The following CD247 variants were observed in gnomAD, a reference collection of about 807,000 sequenced individuals.
The protein encoded by CD247 is T-cell surface glycoprotein CD3 zeta chain.
CD247 carries 13 observed loss-of-function variants against 30.0 expected under a neutral mutation model. The observed-to-expected ratio is 0.43, with a 90% CI of 0.28 to 0.69. The LOEUF (loss-of-function observed/expected upper bound fraction) is 0.69, where lower values mean the gene tolerates loss of function less well. CD247 is among the 30% of genes least tolerant of loss of function. CD247 has a pLI of 0.16. For synonymous variants in CD247, 72 were observed against 80.0 expected (o/e 0.90, Z 0.53); for missense variants, 193 against 212.6 (o/e 0.91, Z 0.57).
At chr1:167,445,192 C>T (rs946429323) in intron 1 of CD247, among the ~76,000 whole-genome samples, 1 of 152,132 alleles carries the variant, frequency 6.6e-6, no homozygotes, top group Non-Finnish European at 1.5e-5. Context: ...TCCCAAAGTG[C>T]TCGGATTACA....
chr1:167,431,002 ATCT>A lies in CD247; in HGVS notation c.*676_*678del. The A allele has an allele frequency of 2.5e-6, 1 of 403,020 alleles. No individual in the cohort carries two copies. 25.0% of individuals were successfully genotyped at this position (403,020 alleles called of 1,614,324 possible). A position where few individuals can be genotyped will look rare whatever the true frequency, so the allele number is the denominator to read the frequency against. On this transcript the variant is annotated 3_prime_UTR_variant, in exon 8 of 8. Coordinates refer to ENST00000362089, the MANE Select transcript of CD247 (RefSeq NM_198053.3). Reference sequence around the variant, plus strand: ...ACAGCTCATCAAGGTCAGTCTGTTCATCTTCTGGCCCCTGTAGCACATGGTACA... The same window carrying A: ...ACAGCTCATCAAGGTCAGTCTGTTCATCTGGCCCCTGTAGCACATGGTACA...
At chr1:167,477,679 A>G (rs1276357817) in intron 1 of CD247, among the ~76,000 whole-genome samples, 1 of 152,042 alleles carries the variant, frequency 6.6e-6, no homozygotes, top group Non-Finnish European at 1.5e-5. Context: ...ACAGGTGTGC[A>G]CCACCACTTT....
At chr1:167,444,842 C>T (rs1651995616) in intron 1 of CD247, among the ~76,000 whole-genome samples, 1 of 152,174 alleles carries the variant, frequency 6.6e-6, no homozygotes, top group African/African-American at 2.4e-5. Context: ...TATTATGGAA[C>T]TTCTCTAAGC....
In CD247 at chr1:167,494,056, G is replaced by C. The variant is rs1261025691; in HGVS notation, c.58+24352C>G. Among the ~76,000 whole-genome samples, 1 of 152,074 alleles carries C rather than the reference G, an allele frequency of 6.6e-6. No individual in the cohort carries two copies. Among genetic ancestry groups the C allele is most frequent in the Non-Finnish European group, 1.5e-5 (1 of 68,018 alleles). On this transcript the variant is annotated intron_variant, in intron 1 of 7. Transcript: ENST00000362089. The surrounding 1 kb of genome is among the most constrained non-coding windows in gnomAD (Gnocchi z 7.3). ...CTGAGTTGGGTGGGGGAGGCTGGAG[G>C]CTGCAAAATGATGACAGAGCTTGGG...
Position 167,440,728 on chromosome 1 carries a change from T to G in CD247, c.98A>C (p.Tyr33Ser). 6.2e-7 allele frequency: 1 copy of G among 1,613,812 alleles called. No individual in the cohort carries two copies. The highest frequency in any genetic ancestry group is 8.5e-7 in the Non-Finnish European group (1 of 1,179,920). ...GATGAAGAGGATTCCATCCAGCAGG[T>G]AGCAGAGTTTGGGATCCAGCAGGCC... ...SFGLLDPKLC[Y>S]LLDGILFIYG... Residue 33 changes from tyrosine (Y) to serine (S), a missense_variant, in exon 2 of 8, where the codon TAC (tyrosine) becomes TCC (serine). Coordinates refer to ENST00000362089, the MANE Select transcript of CD247 (RefSeq NM_198053.3).
At chr1:167,438,751 TA>T in intron 3 of CD247, 101 bp from the exon 4 acceptor site, 2 of 894,120 alleles carry the variant, frequency 2.2e-6, no homozygotes, top group Non-Finnish European at 3.8e-6. Context: ...GGGTGGCTCA[TA>T]AAAAGAGGGG....
chr1:167,432,875 G>T, intron 7 of CD247, 149 bp downstream of exon 7: 1 of 764,056 alleles, frequency 1.3e-6, no homozygotes, highest in Non-Finnish European at 2.3e-6. Flanking sequence ...TGGCAGTGGC[G>T]TTGCCACTGG....
intron 1 of CD247, among the ~76,000 whole-genome samples, chr1:167,480,136 T>C (rs1281348337): frequency 6.6e-6 from 1 of 152,038 alleles, no homozygotes; most frequent in Non-Finnish European, 1.5e-5. Flanking sequence ...AGTAGACCTG[T>C]GAGTTAAAGG....
At chr1:167,499,418 G>A (rs1009851359) in intron 1 of CD247, among the ~76,000 whole-genome samples, 6 of 152,094 alleles carry the variant, frequency 3.9e-5, no homozygotes, top group Admixed American at 2.6e-4. Flanking sequence ...TTTATTTCTG[G>A]GAAATTGTTG....
chr1:167,450,947 G>A (rs1652326369), intron 1 of CD247, among the ~76,000 whole-genome samples: 1 of 150,570 alleles, frequency 6.6e-6, no homozygotes, highest in African/African-American at 2.5e-5. Context: ...AGAAAAGACA[G>A]TCTCAGTGCT....
rs191339722 is a variant in CD247, at chr1:167,484,726, G to A, written c.58+33682C>T. 3.8e-3 allele frequency among the ~76,000 whole-genome samples: 576 copies of A among 152,326 alleles called. 7 individuals are homozygous for A. The highest frequency in any genetic ancestry group is 0.013 in the African/African-American group (544 of 41,572). Reference sequence around the variant, plus strand: ...CGGGAGGCAGAGGTTGCAGTGAGCCGAGATCGCGCCACCGCAGTCCAGCCC... The same window carrying A: ...CGGGAGGCAGAGGTTGCAGTGAGCCAAGATCGCGCCACCGCAGTCCAGCCC... On this transcript the variant is annotated intron_variant, in intron 1 of 7. Coordinates refer to ENST00000362089, the MANE Select transcript of CD247 (RefSeq NM_198053.3).
chr1:167,489,490 C>A (rs552080264), intron 1 of CD247, among the ~76,000 whole-genome samples: 12 of 152,250 alleles, frequency 7.9e-5, no homozygotes, highest in African/African-American at 2.9e-4. Flanking sequence ...AGTGGAATTC[C>A]ATGGGAAGTT....
chr1:167,454,306 G>C (rs926878162), intron 1 of CD247, among the ~76,000 whole-genome samples: 2 of 152,332 alleles, frequency 1.3e-5, no homozygotes, highest in East Asian at 3.9e-4. Flanking sequence ...GAGGCTGGGT[G>C]AATTTCACTT....
At chr1:167,458,850 A>G (rs1408912483) in intron 1 of CD247, among the ~76,000 whole-genome samples, 1 of 151,796 alleles carries the variant, frequency 6.6e-6, no homozygotes, top group African/African-American at 2.4e-5. Flanking sequence ...AATTGGGAGC[A>G]ATGGCTCACG....
intron 1 of CD247, among the ~76,000 whole-genome samples, chr1:167,472,595 G>C (rs953469653): frequency 3.9e-5 from 6 of 152,150 alleles, no homozygotes; most frequent in African/African-American, 1.4e-4. Flanking sequence ...CTGTTTCATA[G>C]CTGGGTGAGG....
Position 167,440,780 on chromosome 1 carries a change from A to G in CD247, c.59-13T>C, listed in dbSNP as rs1448278542. 1 of 1,594,126 alleles carries G rather than the reference A, an allele frequency of 6.3e-7. No individual in the cohort carries two copies. Among genetic ancestry groups the G allele is most frequent in the Non-Finnish European group, 8.6e-7 (1 of 1,163,366 alleles). ...AAGCTCTGTGCCTCTGTGCCAAGAG[A>G]TAAAGCTGGTCAGCCAGGCCCAAGG... On this transcript the variant is annotated splice_polypyrimidine_tract_variant and intron_variant, in intron 1 of 7. Transcript: ENST00000362089.
At chr1:167,486,284 CCA>C (rs1237032368) in intron 1 of CD247, among the ~76,000 whole-genome samples, 1 of 152,192 alleles carries the variant, frequency 6.6e-6, no homozygotes, top group Non-Finnish European at 1.5e-5. Context: ...ATCACCACAG[CCA>C]GAGAGAGGCA....
chr1:167,467,671 T>C (rs1336008392), intron 1 of CD247, among the ~76,000 whole-genome samples: 1 of 152,200 alleles, frequency 6.6e-6, no homozygotes, highest in Non-Finnish European at 1.5e-5. Context: ...TCTGAGCTTC[T>C]GCTTTATTAT....
chr1:167,440,373 G>A (rs4657659), intron 2 of CD247: 12 of 475,186 alleles, frequency 2.5e-5, no homozygotes, highest in Admixed American at 2.0e-4. Flanking sequence ...AAGCCCCTTT[G>A]TCACCAGTAG....
Sources: allele counts gnomAD v4.1 joint callset (sites outside exome capture counted in the v4.1 genomes callset), GRCh38; gene constraint gnomAD v4.1.1; non-coding constraint Gnocchi (gnomAD v3.1); transcripts MANE v1.5; gene names NCBI Gene and HGNC (gene_info 2026-07-23, HGNC 2026-07-21).